The following ANTXR1 variants were observed in gnomAD, a reference collection of about 807,000 sequenced individuals.
The protein encoded by ANTXR1 is ANTXR cell adhesion molecule 1, also known as anthrax toxin receptor 1.
Under a neutral mutation model 78.1 loss-of-function variants are expected in ANTXR1, and 19 were observed. The observed-to-expected ratio is 0.24, with a 90% CI of 0.17 to 0.36. ANTXR1 has a LOEUF of 0.36. Ranked by LOEUF, ANTXR1 falls within the 10% of genes least tolerant of loss-of-function variation. The pLI is 1.00. For synonymous variants in ANTXR1, 273 were observed against 260.5 expected, an observed-to-expected ratio of 1.05 and a Z score of -0.46; for missense variants, 518 against 718.6, an observed-to-expected ratio of 0.72 and a Z score of 3.19.
intron 8 of ANTXR1, among the ~76,000 whole-genome samples, chr2:69,081,963 C>T (rs886858669): frequency 2.0e-5 from 3 of 152,236 alleles, no homozygotes; most frequent in African/African-American, 7.2e-5. Context: ...CAAGGCCACA[C>T]AGCACAGTGA....
At chr2:69,035,705 A>C (rs1340746900) in intron 1 of ANTXR1, among the ~76,000 whole-genome samples, 1 of 152,214 alleles carries the variant, frequency 6.6e-6, no homozygotes, top group Non-Finnish European at 1.5e-5. Context: ...TGAAGTGACA[A>C]ACCCCAGCAG....
intron 12 of ANTXR1, among the ~76,000 whole-genome samples, chr2:69,143,219 A>T (rs1356479517): frequency 6.6e-6 from 1 of 152,164 alleles, no homozygotes; most frequent in East Asian, 1.9e-4. Context: ...GAAAGAAAGA[A>T]TGAGATCCTA....
intron 3 of ANTXR1, 97 bp from the exon 4 acceptor site, chr2:69,070,550 A>G (rs1670534989): frequency 9.2e-7 from 1 of 1,091,050 alleles, no homozygotes; most frequent in Middle Eastern, 2.0e-4. Flanking sequence ...ACTAGACAGC[A>G]GTATCCACAG....
intron 16 of ANTXR1, among the ~76,000 whole-genome samples, chr2:69,191,714 C>T (rs1046995666): frequency 7.9e-5 from 12 of 152,242 alleles, no homozygotes; most frequent in Non-Finnish European, 1.5e-4. Flanking sequence ...TTGCAACCCA[C>T]AGCTGAGAAA....
chr2:69,243,006 A>G (rs1199818020), intron 17 of ANTXR1, among the ~76,000 whole-genome samples: 2 of 152,220 alleles, frequency 1.3e-5, no homozygotes, highest in African/African-American at 4.8e-5. Context: ...GTGGAACCCC[A>G]GTCACAGCCT....
chr2:69,116,407 C>T (rs1475123789), intron 10 of ANTXR1, among the ~76,000 whole-genome samples: 3 of 152,200 alleles, frequency 2.0e-5, no homozygotes, highest in Non-Finnish European at 2.9e-5. Flanking sequence ...CAGTATTTTA[C>T]AAGTCTAACT....
intron 17 of ANTXR1, among the ~76,000 whole-genome samples, chr2:69,215,086 C>G (rs1199088734): frequency 6.6e-6 from 1 of 152,234 alleles, no homozygotes; most frequent in Non-Finnish European, 1.5e-5. Flanking sequence ...ATTGCAGCCC[C>G]TCCATCCTGC....
intron 3 of ANTXR1, among the ~76,000 whole-genome samples, chr2:69,059,083 G>A (rs7609037): frequency 0.038 from 5,719 of 152,252 alleles, 129 homozygotes; most frequent in Middle Eastern, 0.12. Flanking sequence ...TTCTTGAGAT[G>A]GAACCTACTG....
At chr2:69,070,879 G>GAT (rs199945495) in intron 4 of ANTXR1, 151 bp downstream of exon 4, 1 of 712,686 alleles carries the variant, frequency 1.4e-6, no homozygotes, top group Non-Finnish European at 2.5e-6. Context: ...CTTGTACACT[G>GAT]ACCACTCTAG....
rs13030524 is a variant in ANTXR1, at chr2:69,189,456, T to C, written c.1354-3879T>C. Among the ~76,000 whole-genome samples, 728 of 152,300 alleles carry C rather than the reference T, an allele frequency of 4.8e-3. 3 individuals are homozygous for C. The highest frequency in any genetic ancestry group is 0.016 in the South Asian group (75 of 4,828). Reference sequence around the variant, plus strand: ...ACTTACCCAAATTCACACTGGCCAGTAAGATGTTTCATGGTTCATTTTATT... The same window carrying C: ...ACTTACCCAAATTCACACTGGCCAGCAAGATGTTTCATGGTTCATTTTATT... On this transcript the variant is annotated intron_variant, in intron 16 of 17. Transcript: ENST00000303714.
intron 10 of ANTXR1, among the ~76,000 whole-genome samples, chr2:69,120,440 C>T (rs972757099): frequency 9.2e-5 from 14 of 152,046 alleles, no homozygotes; most frequent in African/African-American, 2.4e-4. Context: ...CCGAGGCAGG[C>T]GGAGCACAAG....
chr2:69,128,603 A>T (rs898190432), intron 12 of ANTXR1, among the ~76,000 whole-genome samples: 5 of 152,184 alleles, frequency 3.3e-5, no homozygotes, highest in African/African-American at 1.2e-4. Flanking sequence ...GGGGCCTCAT[A>T]TTCAAACATA....
rs1457151977 is a variant in ANTXR1, at chr2:69,124,567, A to T, written c.875A>T (p.Lys292Ile). 6.2e-7 allele frequency: 1 copy of T among 1,614,156 alleles called. No individual in the cohort carries two copies. The highest frequency in any genetic ancestry group is 8.5e-7 in the Non-Finnish European group (1 of 1,180,022). ...PAPILKEVGMKAALQVSMNDG... is the reference protein window; with the variant it reads ...PAPILKEVGMIAALQVSMNDG... ...TGCTTCCCTTGTTGTCATTGCAGGA[A>T]AGCTGCACTCCAGGTCAGCATGAAC... The change falls in exon 12 of 18, where the codon AAA becomes ATA. Residue 292 changes from lysine to isoleucine, a missense_variant and splice_region_variant. Physicochemically the swap from Lys to Ile is moderately radical, Grantham distance 102 (BLOSUM62 -3). Transcript: ENST00000303714.
chr2:69,174,044 T>C (rs1394182870), intron 14 of ANTXR1, among the ~76,000 whole-genome samples: 4 of 152,200 alleles, frequency 2.6e-5, no homozygotes, highest in Admixed American at 1.3e-4. Flanking sequence ...TCATTTCCCT[T>C]TGAAACCCTC....
At chr2:69,121,382 T>C (rs1417033824) in intron 10 of ANTXR1, among the ~76,000 whole-genome samples, 2 of 152,236 alleles carry the variant, frequency 1.3e-5, no homozygotes, top group African/African-American at 4.8e-5. Context: ...ATATAGTAGG[T>C]CTTCAATAAA....
intron 13 of ANTXR1, among the ~76,000 whole-genome samples, chr2:69,162,993 C>T (rs1032977335): frequency 6.6e-6 from 1 of 152,102 alleles, no homozygotes; most frequent in Admixed American, 6.5e-5. Flanking sequence ...TTTGTGCCAA[C>T]CTAACGCTAA....
intron 2 of ANTXR1, among the ~76,000 whole-genome samples, chr2:69,043,156 G>T (rs1040275873): frequency 6.6e-6 from 1 of 152,084 alleles, no homozygotes; most frequent in African/African-American, 2.4e-5. Context: ...TGGCAGTTAG[G>T]AGCCCAAGTT....
In ANTXR1 at chr2:69,240,135, G is replaced by A. The variant is rs558892681; in HGVS notation, c.1435-5090G>A. Among the ~76,000 whole-genome samples, 122 of 152,350 alleles carry A rather than the reference G, an allele frequency of 8.0e-4. 1 individual carries two copies. Among genetic ancestry groups the A allele is most frequent in the Admixed American group, 8.0e-3 (122 of 15,300 alleles). ...TTCCTGGATCCTTGACCTTTGGAGA[G>A]CTTAAACCTGCAGGGAAAAATCAGA... On this transcript the variant is annotated intron_variant, in intron 17 of 17. Coordinates refer to ENST00000303714, the MANE Select transcript of ANTXR1 (RefSeq NM_032208.3).
rs144517039 is a variant in ANTXR1 at position 69,141,027 on chromosome 2, T to G, written c.952-11142T>G. On this transcript the variant is annotated intron_variant, in intron 12 of 17. Transcript: ENST00000303714. ...ATCAGCTTTGATCAAGGATATTAAA[T>G]TTACCATTGGAAACTCCACTTGGGT... Among the ~76,000 whole-genome samples the G allele has an allele frequency of 5.0e-3, 765 of 152,320 alleles. 1 individual carries two copies. Among genetic ancestry groups the G allele is most frequent in the Non-Finnish European group, 7.4e-3 (504 of 68,028 alleles).
Sources: gnomAD v4.1 joint callset for allele counts (sites outside exome capture counted in the v4.1 genomes callset) on GRCh38, gnomAD v4.1.1 for gene constraint, MANE v1.5 for transcripts, NCBI Gene and HGNC (gene_info 2026-07-23, HGNC 2026-07-21) for gene names.